The following CNTNAP2 variants were observed in gnomAD, a reference collection of about 807,000 sequenced individuals.
The protein encoded by CNTNAP2 is contactin-associated protein-like 2.
A neutral mutation model predicts 155.2 loss-of-function variants in CNTNAP2; 98 were observed. The observed-to-expected ratio is 0.63, with a 90% CI of 0.54 to 0.75. CNTNAP2 has a LOEUF of 0.75. Among genes scored for constraint, CNTNAP2 ranks in the 30% least tolerant of loss-of-function variants. The probability of loss-of-function intolerance (pLI) is 0.00; values close to 1 mark genes in which losing one functional copy is unlikely to be tolerated. For missense variants in CNTNAP2, 1,727 were observed against 1,688.1 expected, an observed-to-expected ratio of 1.02 and a Z score of -0.40; for synonymous variants, 651 against 631.2, an observed-to-expected ratio of 1.03 and a Z score of -0.47.
chr7:148,224,072 C>T (rs1185005687), intron 19 of CNTNAP2, among the ~76,000 whole-genome samples: 1 of 141,572 alleles, frequency 7.1e-6, no homozygotes, highest in Admixed American at 7.2e-5. Flanking sequence ...TATTTTCAGA[C>T]CTTTAAAAAA....
chr7:147,146,767 G>A (rs923849705), intron 8 of CNTNAP2: 10 of 152,206 alleles, frequency 6.6e-5, no homozygotes, highest in Admixed American at 2.0e-4. Context: ...CAATTAAAAT[G>A]TATGCCAAGA....
chr7:146,358,599 C>T (rs12703802), intron 1 of CNTNAP2, among the ~76,000 whole-genome samples: 1 of 151,918 alleles, frequency 6.6e-6, no homozygotes, highest in South Asian at 2.1e-4. Context: ...GAGGAAAGAT[C>T]GTATTAATAT....
chr7:146,348,177 T>G (rs1480624386), intron 1 of CNTNAP2, among the ~76,000 whole-genome samples: 5 of 152,100 alleles, frequency 3.3e-5, no homozygotes, highest in Admixed American at 3.3e-4. Flanking sequence ...CCCAGCACTT[T>G]AGGAGGCCTA....
intron 1 of CNTNAP2, among the ~76,000 whole-genome samples, chr7:146,451,529 T>G (rs1796480482): frequency 6.6e-6 from 1 of 152,134 alleles, no homozygotes; most frequent in Admixed American, 6.6e-5. Flanking sequence ...TGAACTCAAA[T>G]AGGCTGCACA....
chr7:147,139,012 T>TA (rs1801546051), intron 8 of CNTNAP2, among the ~76,000 whole-genome samples: 2 of 151,784 alleles, frequency 1.3e-5, no homozygotes, highest in South Asian at 4.2e-4. Flanking sequence ...ACTAAGAGAA[T>TA]AAAAATGAAT....
chr7:147,830,251 T>G (rs1398727320), intron 13 of CNTNAP2, among the ~76,000 whole-genome samples: 1 of 151,920 alleles, frequency 6.6e-6, no homozygotes, highest in Non-Finnish European at 1.5e-5. Context: ...GTCCAAGACC[T>G]GCCAAGGTAT....
At chr7:148,078,537 A>G (rs1208737619) in intron 15 of CNTNAP2, among the ~76,000 whole-genome samples, 1 of 151,490 alleles carries the variant, frequency 6.6e-6, no homozygotes, top group Non-Finnish European at 1.5e-5. Context: ...CTGGAGTGCA[A>G]TGGTGCCATC....
At chr7:146,597,435 C>G (rs1041937211) in intron 1 of CNTNAP2, among the ~76,000 whole-genome samples, 1 of 151,974 alleles carries the variant, frequency 6.6e-6, no homozygotes, top group African/African-American at 2.4e-5. Context: ...AGCATAACCA[C>G]AAGCATAAAT....
At chr7:148,278,110 G>A (rs574011056) in intron 21 of CNTNAP2, among the ~76,000 whole-genome samples, 43 of 152,248 alleles carry the variant, frequency 2.8e-4, no homozygotes, top group Middle Eastern at 6.8e-3. Context: ...ATCCATAGTC[G>A]AGGAGAAGAG....
intron 13 of CNTNAP2, among the ~76,000 whole-genome samples, chr7:147,677,913 A>G (rs1270391702): frequency 6.6e-6 from 1 of 151,708 alleles, no homozygotes; most frequent in Non-Finnish European, 1.5e-5. Context: ...TGTTTTGGTT[A>G]CTATAGCTAT....
At chr7:147,758,974 C>T (rs1333068114) in intron 13 of CNTNAP2, among the ~76,000 whole-genome samples, 2 of 152,132 alleles carry the variant, frequency 1.3e-5, no homozygotes, top group Non-Finnish European at 2.9e-5. Flanking sequence ...AGGAATTCTT[C>T]TTAGTTTCCC....
At chr7:146,981,888 T>C (rs892753265) in intron 3 of CNTNAP2, among the ~76,000 whole-genome samples, 1 of 152,190 alleles carries the variant, frequency 6.6e-6, no homozygotes, top group Non-Finnish European at 1.5e-5. Context: ...GTGAATACTT[T>C]AGGATTTGCA....
intron 1 of CNTNAP2, among the ~76,000 whole-genome samples, chr7:146,619,658 T>G (rs1309875008): frequency 6.6e-6 from 1 of 152,174 alleles, no homozygotes; most frequent in Non-Finnish European, 1.5e-5. Flanking sequence ...AGTTTTAGAC[T>G]TCTGACCTCA....
chr7:147,390,520 C>T (rs1796694862), intron 9 of CNTNAP2, among the ~76,000 whole-genome samples: 1 of 152,090 alleles, frequency 6.6e-6, no homozygotes, highest in South Asian at 2.1e-4. Flanking sequence ...GGATTAGAGG[C>T]TCCATTTCAA....
intron 1 of CNTNAP2, among the ~76,000 whole-genome samples, chr7:146,202,585 A>G (rs1445851779): frequency 6.6e-6 from 1 of 152,182 alleles, no homozygotes; most frequent in Non-Finnish European, 1.5e-5. Flanking sequence ...GTTTAAGACA[A>G]TTAATTTAAA....
intron 8 of CNTNAP2, among the ~76,000 whole-genome samples, chr7:147,282,921 G>T (rs1188739798): frequency 6.6e-6 from 1 of 151,744 alleles, no homozygotes; most frequent in Non-Finnish European, 1.5e-5. Context: ...AATGAAATTA[G>T]ACATAATTTG....
chr7:146,481,957 A>G (rs964494847), intron 1 of CNTNAP2, among the ~76,000 whole-genome samples: 1 of 152,164 alleles, frequency 6.6e-6, no homozygotes, highest in Non-Finnish European at 1.5e-5. Context: ...AGCAAACACA[A>G]ATCTTCTCTG....
intron 2 of CNTNAP2, among the ~76,000 whole-genome samples, chr7:146,838,418 AG>A (rs1403071340): frequency 5.3e-5 from 8 of 152,270 alleles, no homozygotes; most frequent in Admixed American, 5.2e-4. Context: ...CCCAGGTTCA[AG>A]CAATTCTCCT....
At chr7:146,723,292 G>A (rs558354650) in intron 1 of CNTNAP2, among the ~76,000 whole-genome samples, 1 of 151,998 alleles carries the variant, frequency 6.6e-6, no homozygotes, top group Non-Finnish European at 1.5e-5. Context: ...AGCTAGAAGG[G>A]GACAGGAAGG....
Sources: gnomAD v4.1 joint callset for allele counts (sites outside exome capture counted in the v4.1 genomes callset) on GRCh38, gnomAD v4.1.1 for gene constraint, MANE v1.5 for transcripts, NCBI Gene and HGNC (gene_info 2026-07-23, HGNC 2026-07-21) for gene names.